The following CORIN variants were observed in gnomAD, a reference collection of about 807,000 sequenced individuals.
The protein encoded by CORIN is atrial natriuretic peptide-converting enzyme.
In CORIN, 117 loss-of-function variants were observed where a neutral mutation model predicts 125.3. The observed-to-expected ratio is 0.93, with a 90% confidence interval of 0.80 to 1.09. The LOEUF (loss-of-function observed/expected upper bound fraction) is 1.09. Ranked by LOEUF, CORIN falls within the 50% of genes least tolerant of loss-of-function variation. CORIN has a pLI of 0.00. For missense variants in CORIN, 1,253 were observed against 1,306.7 expected, an observed-to-expected ratio of 0.96 and a Z score of 0.63; for synonymous variants, 450 against 466.4, an observed-to-expected ratio of 0.96 and a Z score of 0.45.
At chr4:47,665,988 T>C (rs1457062909) in intron 10 of CORIN, among the ~76,000 whole-genome samples, 2 of 152,152 alleles carry the variant, frequency 1.3e-5, no homozygotes, top group Admixed American at 6.5e-5. Context: ...CTCTCTTACC[T>C]CCTCTTTTAT....
intron 5 of CORIN, among the ~76,000 whole-genome samples, chr4:47,694,627 G>A (rs543332369): frequency 1.3e-5 from 2 of 152,250 alleles, no homozygotes; most frequent in East Asian, 3.9e-4. Flanking sequence ...AATAGAAATA[G>A]AGAAAAGTAC....
At chr4:47,828,075 C>G (rs1732817222) in intron 1 of CORIN, among the ~76,000 whole-genome samples, 1 of 152,138 alleles carries the variant, frequency 6.6e-6, no homozygotes, top group Admixed American at 6.5e-5. Flanking sequence ...TTAGCAAATG[C>G]CCACTAAGAG....
intron 6 of CORIN, among the ~76,000 whole-genome samples, chr4:47,688,313 A>G (rs1374158276): frequency 6.6e-6 from 1 of 152,094 alleles, no homozygotes; most frequent in Non-Finnish European, 1.5e-5. Flanking sequence ...AAAATACCAT[A>G]TTTAGGCTGG....
At chr4:47,803,444 G>C (rs921931653) in intron 2 of CORIN, among the ~76,000 whole-genome samples, 5 of 152,146 alleles carry the variant, frequency 3.3e-5, no homozygotes, top group Non-Finnish European at 7.3e-5. Flanking sequence ...CACATTACCT[G>C]ACTTCAAATA....
intron 9 of CORIN, among the ~76,000 whole-genome samples, chr4:47,677,670 C>T (rs1018521545): frequency 3.3e-5 from 5 of 152,328 alleles, no homozygotes; most frequent in African/African-American, 1.2e-4. Flanking sequence ...CTCTTTATCA[C>T]GGCTTTCCCC....
chr4:47,774,418 GA>G (rs1730196791), intron 3 of CORIN, among the ~76,000 whole-genome samples: 1 of 152,094 alleles, frequency 6.6e-6, no homozygotes. Flanking sequence ...AATTTGGTAT[GA>G]TTTTTTCCTT....
intron 5 of CORIN, among the ~76,000 whole-genome samples, chr4:47,696,545 C>T (rs1156338301): frequency 6.6e-6 from 1 of 152,180 alleles, no homozygotes; most frequent in Non-Finnish European, 1.5e-5. Context: ...AGATACTTCA[C>T]TGCCAAAGCT....
chr4:47,614,967 T>C (rs995640451), intron 19 of CORIN, among the ~76,000 whole-genome samples: 1 of 152,232 alleles, frequency 6.6e-6, no homozygotes, highest in Admixed American at 6.5e-5. Flanking sequence ...ATAGAAGATT[T>C]GACGGGGCAA....
intron 2 of CORIN, among the ~76,000 whole-genome samples, chr4:47,790,000 A>C (rs962954316): frequency 6.6e-6 from 1 of 151,900 alleles, no homozygotes; most frequent in Non-Finnish European, 1.5e-5. Flanking sequence ...CCAGCCTGGG[A>C]GACAGAGCGA....
chr4:47,641,750 G>C (rs1723237433), intron 16 of CORIN, among the ~76,000 whole-genome samples, 170 bp downstream of exon 16: 1 of 152,064 alleles, frequency 6.6e-6, no homozygotes, highest in African/African-American at 2.4e-5. Flanking sequence ...CACTCTTCAG[G>C]GCAGGTGCCT....
At chr4:47,820,062 A>G (rs1732441802) in intron 1 of CORIN, among the ~76,000 whole-genome samples, 1 of 152,176 alleles carries the variant, frequency 6.6e-6, no homozygotes. Flanking sequence ...TGACTCCGGA[A>G]AGTGTCACTT....
chr4:47,767,021 A>T (rs1282937686), intron 3 of CORIN, among the ~76,000 whole-genome samples: 1 of 152,038 alleles, frequency 6.6e-6, no homozygotes, highest in Non-Finnish European at 1.5e-5. Context: ...CTCCCTCCTG[A>T]CATTTCACCA....
At chr4:47,772,472 C>T (rs1241670467) in intron 3 of CORIN, among the ~76,000 whole-genome samples, 2 of 152,146 alleles carry the variant, frequency 1.3e-5, no homozygotes, top group African/African-American at 2.4e-5. Flanking sequence ...AGAACTACAC[C>T]TTGCCCCATA....
At chr4:47,742,432 A>C (rs995257661) in intron 5 of CORIN, among the ~76,000 whole-genome samples, 5 of 152,028 alleles carry the variant, frequency 3.3e-5, no homozygotes, top group Admixed American at 2.0e-4. Context: ...TGATTTATCA[A>C]ATTTCTTGGA....
intron 7 of CORIN, chr4:47,682,415 C>G (rs1351100945): frequency 1.7e-5 from 2 of 120,308 alleles, no homozygotes; most frequent in Non-Finnish European, 3.2e-5. Context: ...GCACTCCAGC[C>G]TGGGTGATGG....
chr4:47,654,657 T>G (rs1340230008), intron 12 of CORIN, among the ~76,000 whole-genome samples: 1 of 152,242 alleles, frequency 6.6e-6, no homozygotes, highest in Non-Finnish European at 1.5e-5. Context: ...CCCATCCCAG[T>G]GGTCAGAATT....
At chr4:47,830,968 C>T (rs1399777355) in intron 1 of CORIN, among the ~76,000 whole-genome samples, 2 of 152,158 alleles carry the variant, frequency 1.3e-5, no homozygotes, top group African/African-American at 4.8e-5. Context: ...GTTGAAGGGA[C>T]CCTGGGCTAA....
intron 3 of CORIN, among the ~76,000 whole-genome samples, chr4:47,772,396 G>A (rs1347763851): frequency 1.3e-5 from 2 of 152,196 alleles, no homozygotes; most frequent in African/African-American, 4.8e-5. Flanking sequence ...ACATTCCATA[G>A]AATTAAGTGA....
intron 5 of CORIN, among the ~76,000 whole-genome samples, chr4:47,737,215 G>C (rs567387043): frequency 6.6e-6 from 1 of 152,320 alleles, no homozygotes; most frequent in African/African-American, 2.4e-5. Flanking sequence ...AATCAGCTTA[G>C]TCTCTGATTA....
Sources: gnomAD v4.1 joint callset for allele counts (sites outside exome capture counted in the v4.1 genomes callset) on GRCh38, gnomAD v4.1.1 for gene constraint, MANE v1.5 for transcripts, NCBI Gene and HGNC (gene_info 2026-07-23, HGNC 2026-07-21) for gene names.